Variants in CNKSR3 observed in about 807,000 individuals in gnomAD.
CNKSR3 encodes the protein connector enhancer of kinase suppressor of ras 3.
In CNKSR3, 36 loss-of-function variants were observed where a neutral mutation model predicts 67.7. That is an observed-to-expected ratio of 0.53 (90% confidence interval 0.41 to 0.70). The LOEUF (loss-of-function observed/expected upper bound fraction) is 0.70. CNKSR3 is among the 30% of genes least tolerant of loss of function. The pLI is 0.00. For missense variants in CNKSR3, 630 were observed against 695.2 expected (o/e 0.91, Z 1.05); for synonymous variants, 281 against 271.4 (o/e 1.04, Z -0.35).
intron 1 of CNKSR3, among the ~76,000 whole-genome samples, chr6:154,460,143 T>C (rs1216513480): frequency 6.6e-6 from 1 of 152,222 alleles, no homozygotes. Context: ...AAGTTGGTAT[T>C]ATCTGAAAGG....
chr6:154,455,354 G>T (rs1302869777), intron 1 of CNKSR3, among the ~76,000 whole-genome samples: 1 of 152,124 alleles, frequency 6.6e-6, no homozygotes, highest in African/African-American at 2.4e-5. Flanking sequence ...TCCTCCACTG[G>T]TGTGGAGAAC....
intron 1 of CNKSR3, among the ~76,000 whole-genome samples, chr6:154,492,211 C>T (rs1448865540): frequency 6.6e-6 from 1 of 152,184 alleles, no homozygotes; most frequent in Non-Finnish European, 1.5e-5. Flanking sequence ...TCTCCTATTC[C>T]TCTTCCTACA....
chr6:154,433,367 G>GT (rs1785407856), intron 5 of CNKSR3, 99 bp downstream of exon 5: 1 of 797,712 alleles, frequency 1.3e-6, no homozygotes, highest in Non-Finnish European at 2.1e-6. Flanking sequence ...ATATTTCAAA[G>GT]TATCTCCTGA....
intron 1 of CNKSR3, among the ~76,000 whole-genome samples, chr6:154,505,921 TA>T (rs955262160): frequency 1.2e-4 from 18 of 152,264 alleles, no homozygotes; most frequent in Non-Finnish European, 2.1e-4. Context: ...GTGGCCTTTT[TA>T]AAGCAGAAAA....
chr6:154,435,219 T>C (rs1785447690), intron 4 of CNKSR3, among the ~76,000 whole-genome samples: 1 of 151,970 alleles, frequency 6.6e-6, no homozygotes, highest in African/African-American at 2.4e-5. Context: ...TGAACTTGAA[T>C]TCTAGACTCA....
At chr6:154,502,243 G>A (rs904206005) in intron 1 of CNKSR3, among the ~76,000 whole-genome samples, 2 of 151,070 alleles carry the variant, frequency 1.3e-5, no homozygotes, top group African/African-American at 2.4e-5. Flanking sequence ...CCAGGTTGGA[G>A]TGCAGTGGCA....
At chr6:154,501,447 T>G (rs1321889745) in intron 1 of CNKSR3, among the ~76,000 whole-genome samples, 1 of 152,168 alleles carries the variant, frequency 6.6e-6, no homozygotes, top group Non-Finnish European at 1.5e-5. Context: ...GGCCTCTGTG[T>G]GTCTCTCTCA....
At chr6:154,483,382 G>C (rs1786605489) in intron 1 of CNKSR3, among the ~76,000 whole-genome samples, 1 of 152,232 alleles carries the variant, frequency 6.6e-6, no homozygotes, top group African/African-American at 2.4e-5. Context: ...AGTACACCTA[G>C]TGATTGCTAC....
chr6:154,416,782 G>A (rs1253764635), intron 9 of CNKSR3, among the ~76,000 whole-genome samples: 1 of 152,130 alleles, frequency 6.6e-6, no homozygotes, highest in Non-Finnish European at 1.5e-5. Flanking sequence ...TTTATATTCT[G>A]AAAATATCCT....
rs1784752530 is a variant in CNKSR3, at chr6:154,404,538, A to G, written c.*1816T>C. On this transcript the variant is annotated 3_prime_UTR_variant, in exon 13 of 13. Transcript: ENST00000607772. ...AGTTGTCTTAGAGGTAGAGAAGAAA[A>G]CAGCCAGACTGAGCCGGGTGTGGTG... is the stretch of plus-strand genomic sequence containing the variant. The G allele has an allele frequency of 6.6e-6, 1 of 152,244 alleles. No homozygotes were observed. The highest frequency in any genetic ancestry group is 1.5e-5 in the Non-Finnish European group (1 of 68,104). The allele number at this position is 152,244 out of a possible 1,614,324, so 9.4% of individuals were successfully genotyped here.
At chr6:154,462,988 G>A (rs1443799328) in intron 1 of CNKSR3, among the ~76,000 whole-genome samples, 1 of 152,188 alleles carries the variant, frequency 6.6e-6, no homozygotes, top group Non-Finnish European at 1.5e-5. Context: ...TCCAGCTGAG[G>A]TTGAAGACTG....
At chr6:154,469,864 A>C (rs1374619273) in intron 1 of CNKSR3, among the ~76,000 whole-genome samples, 3 of 152,230 alleles carry the variant, frequency 2.0e-5, no homozygotes, top group Admixed American at 6.5e-5. Flanking sequence ...AGTTTTACAG[A>C]TAACATAAAG....
intron 1 of CNKSR3, among the ~76,000 whole-genome samples, chr6:154,500,949 A>T (rs1476557132): frequency 6.6e-6 from 1 of 152,236 alleles, no homozygotes; most frequent in African/African-American, 2.4e-5. Context: ...TTCATAGATG[A>T]ATAAACAGCT....
chr6:154,413,810 CA>C (rs1784958085), intron 10 of CNKSR3, among the ~76,000 whole-genome samples: 1 of 152,056 alleles, frequency 6.6e-6, no homozygotes. Flanking sequence ...TGCAATGGCA[CA>C]AACTCTGCTC....
At chr6:154,500,095 TG>T (rs1786951423) in intron 1 of CNKSR3, among the ~76,000 whole-genome samples, 1 of 151,944 alleles carries the variant, frequency 6.6e-6, no homozygotes, top group Non-Finnish European at 1.5e-5. Flanking sequence ...AGGTGTTACA[TG>T]AAGTCTGATC....
rs911883715 is a variant in CNKSR3 at position 154,400,770 on chromosome 6, G to T, written c.*5584C>A. ...ACTTTTTCCTTTACTTATGTAAAAG[G>T]TACCCTTTGTCAAATTAGCACACTT... On this transcript the variant is annotated 3_prime_UTR_variant, in exon 13 of 13. Transcript: ENST00000607772. 3 of 152,074 alleles carry T rather than the reference G, an allele frequency of 2.0e-5. No individual in the cohort carries two copies. The highest frequency in any genetic ancestry group is 2.0e-4 in the Admixed American group (3 of 15,256). 9.4% of individuals were successfully genotyped at this position (152,074 alleles called of 1,614,324 possible). A position where few individuals can be genotyped will look rare whatever the true frequency, so the allele number is the denominator to read the frequency against.
chr6:154,492,932 C>G (rs918559016), intron 1 of CNKSR3, among the ~76,000 whole-genome samples: 1 of 152,100 alleles, frequency 6.6e-6, no homozygotes, highest in African/African-American at 2.4e-5. Flanking sequence ...TACCCGGAAC[C>G]TGGCCACCTC....
At chr6:154,488,459 T>C (rs1211081084) in intron 1 of CNKSR3, among the ~76,000 whole-genome samples, 2 of 152,214 alleles carry the variant, frequency 1.3e-5, no homozygotes, top group East Asian at 1.9e-4. Flanking sequence ...CTTTAGGAGA[T>C]GGAATTTCTA....
At chr6:154,436,408 A>G (rs9371805) in intron 4 of CNKSR3, among the ~76,000 whole-genome samples, 72,681 of 152,014 alleles carry the variant, frequency 0.48, 17,957 homozygotes, top group Non-Finnish European at 0.55. Context: ...CAATCCTCCC[A>G]ACTTGGCCTC....
Sources: allele counts gnomAD v4.1 joint callset (sites outside exome capture counted in the v4.1 genomes callset), GRCh38; gene constraint gnomAD v4.1.1; transcripts MANE v1.5; gene names NCBI Gene and HGNC (gene_info 2026-07-23, HGNC 2026-07-21).